The following KYNU variants were observed in gnomAD, a reference collection of about 807,000 sequenced individuals.
The protein encoded by KYNU is L-kynurenine hydrolase.
KYNU carries 54 observed loss-of-function variants against 59.2 expected under a neutral mutation model. That is an observed-to-expected ratio of 0.91 (90% CI 0.73 to 1.14). The LOEUF is 1.14. KYNU is among the 50% of genes most tolerant of loss of function. KYNU has a pLI of 0.00. For missense variants in KYNU, 567 were observed against 554.4 expected, an observed-to-expected ratio of 1.02 and a Z score of -0.23; for synonymous variants, 177 against 192.0, an observed-to-expected ratio of 0.92 and a Z score of 0.65.
chr2:143,031,113 T>C (rs1686726018), intron 11 of KYNU, among the ~76,000 whole-genome samples: 2 of 152,218 alleles, frequency 1.3e-5, no homozygotes, highest in African/African-American at 2.4e-5. Context: ...TGCAGATTTG[T>C]AGCAACCAAA....
chr2:143,003,299 C>A (rs1329976225), intron 10 of KYNU, among the ~76,000 whole-genome samples: 1 of 152,086 alleles, frequency 6.6e-6, no homozygotes, highest in Non-Finnish European at 1.5e-5. Context: ...GGGGGTGGCT[C>A]ACACCTATAA....
chr2:142,947,877 G>T (rs551244088), intron 4 of KYNU: 1 of 152,192 alleles, frequency 6.6e-6, no homozygotes, highest in South Asian at 2.1e-4. Flanking sequence ...GAAAAAAGCA[G>T]GGTTCAGTTT....
chr2:142,913,191 T>C (rs1354475732), intron 2 of KYNU, among the ~76,000 whole-genome samples: 4 of 152,228 alleles, frequency 2.6e-5, no homozygotes, highest in East Asian at 3.8e-4. Context: ...TAGGAGTTGA[T>C]TTCGTTTTCT....
intron 10 of KYNU, chr2:142,989,278 C>T (rs1345227474): frequency 1.0e-4 from 64 of 619,354 alleles, no homozygotes; most frequent in Non-Finnish European, 1.0e-5. Flanking sequence ...GTTAGCATTC[C>T]ACGATTAGCT....
chr2:142,950,287 A>G (rs987308813), intron 4 of KYNU, among the ~76,000 whole-genome samples: 1 of 152,096 alleles, frequency 6.6e-6, no homozygotes, highest in African/African-American at 2.4e-5. Context: ...ACATTTTTGG[A>G]TATCTTTTCA....
intron 2 of KYNU, among the ~76,000 whole-genome samples, chr2:142,902,449 T>C (rs937009709): frequency 6.6e-6 from 1 of 152,188 alleles, no homozygotes; most frequent in African/African-American, 2.4e-5. Context: ...CCTTAATTAG[T>C]GTATATAATG....
Position 143,013,298 on chromosome 2 carries a change from C to G in KYNU, c.903-16329C>G, listed in dbSNP as rs977786824. The stretch of plus-strand genomic sequence containing the variant: ...TCTCTCTGTTTCTCTGTCTCTTTCT[C>G]TGTGTGTGTGTGTGTGTGTGTCCAT... On this transcript the variant is annotated intron_variant, in intron 10 of 13. Transcript: ENST00000264170. Among the ~76,000 whole-genome samples, 48 of 149,572 alleles carry G rather than the reference C, an allele frequency of 3.2e-4. No individual in the cohort carries two copies. In the South Asian group the frequency reaches 9.3e-3, roughly 29 times the overall value.
intron 10 of KYNU, among the ~76,000 whole-genome samples, chr2:143,026,782 C>T (rs1686585297): frequency 6.6e-6 from 1 of 152,228 alleles, no homozygotes; most frequent in African/African-American, 2.4e-5. Flanking sequence ...GTTAATAGCT[C>T]AGTGGGGCCT....
At chr2:143,012,976 C>A (rs756788342) in intron 10 of KYNU, among the ~76,000 whole-genome samples, 8 of 151,866 alleles carry the variant, frequency 5.3e-5, no homozygotes, top group Non-Finnish European at 7.4e-5. Context: ...TGGCTTTTTT[C>A]TTTCTTTTTT....
At chr2:142,880,818 G>A (rs1285208130) in intron 1 of KYNU, among the ~76,000 whole-genome samples, 1 of 152,198 alleles carries the variant, frequency 6.6e-6, no homozygotes, top group East Asian at 1.9e-4. Flanking sequence ...TAGAGACACA[G>A]TGATCTCTCT....
At chr2:142,958,934 C>T (rs1327215047) in intron 7 of KYNU, among the ~76,000 whole-genome samples, 1 of 151,960 alleles carries the variant, frequency 6.6e-6, no homozygotes, top group Non-Finnish European at 1.5e-5. Context: ...TTTTGGATTG[C>T]CAAGTTATCA....
At chr2:142,995,048 A>T (rs1685503255) in intron 10 of KYNU, among the ~76,000 whole-genome samples, 1 of 152,134 alleles carries the variant, frequency 6.6e-6, no homozygotes, top group Admixed American at 6.6e-5. Context: ...TCCTAAATCT[A>T]GAAAACTTTC....
At chr2:142,889,291 G>A (rs1412882902) in intron 2 of KYNU, among the ~76,000 whole-genome samples, 9 of 152,132 alleles carry the variant, frequency 5.9e-5, no homozygotes, top group East Asian at 3.8e-4. Context: ...TGATCTAACC[G>A]TAATCAACAG....
intron 10 of KYNU, among the ~76,000 whole-genome samples, chr2:143,016,345 G>A (rs1007554080): frequency 1.5e-4 from 23 of 152,122 alleles, no homozygotes; most frequent in Non-Finnish European, 2.9e-4. Flanking sequence ...ATGTAATTTA[G>A]GAAACAATTT....
chr2:142,957,599 C>A, intron 6 of KYNU, 42 bp from the exon 7 acceptor site: 1 of 1,159,864 alleles, frequency 8.6e-7, no homozygotes, highest in Non-Finnish European at 1.3e-6. Flanking sequence ...TACTTCTGTG[C>A]TCTCAGCTTG....
At chr2:142,904,786 G>T (rs185132338) in intron 2 of KYNU, among the ~76,000 whole-genome samples, 1 of 152,098 alleles carries the variant, frequency 6.6e-6, no homozygotes, top group African/African-American at 2.4e-5. Context: ...CCTTTCCACG[G>T]TGTGTAACCA....
At chr2:142,993,605 T>TA (rs796779227) in intron 10 of KYNU, among the ~76,000 whole-genome samples, 2 of 152,022 alleles carry the variant, frequency 1.3e-5, no homozygotes, top group Non-Finnish European at 1.5e-5. Context: ...AGGATTTTTT[T>TA]AAAAAATCTT....
chr2:142,986,127 G>A, intron 10 of KYNU, 106 bp downstream of exon 10: 1 of 763,516 alleles, frequency 1.3e-6, no homozygotes, highest in Non-Finnish European at 2.3e-6. Context: ...ATAGGAATTA[G>A]GATTGGATTA....
chr2:142,890,386 A>C (rs899703545), intron 2 of KYNU, among the ~76,000 whole-genome samples: 4 of 152,186 alleles, frequency 2.6e-5, no homozygotes, highest in Non-Finnish European at 4.4e-5. Context: ...CAGAGTGTCA[A>C]ACTGCCATCC....
Sources: allele counts gnomAD v4.1 joint callset (sites outside exome capture counted in the v4.1 genomes callset), GRCh38; gene constraint gnomAD v4.1.1; transcripts MANE v1.5; gene names NCBI Gene and HGNC (gene_info 2026-07-23, HGNC 2026-07-21).